Variants in SLC43A2 observed in about 807,000 individuals in gnomAD.
SLC43A2 encodes solute carrier family 43 member 2.
SLC43A2 carries 38 observed loss-of-function variants against 63.2 expected under a neutral mutation model. The ratio of observed to expected loss-of-function variants is 0.60; its 90% CI spans 0.46 to 0.79. The LOEUF is 0.79. SLC43A2 is among the 30% of genes least tolerant of loss of function. The pLI is 0.00. For synonymous variants in SLC43A2, 322 were observed against 331.0 expected (o/e 0.97, Z 0.30); for missense variants, 644 against 756.2 (o/e 0.85, Z 1.74).
At chr17:1,590,016 A>T (rs1904597767) in intron 9 of SLC43A2, among the ~76,000 whole-genome samples, 1 of 152,202 alleles carries the variant, frequency 6.6e-6, no homozygotes, top group African/African-American at 2.4e-5. Context: ...TAAAAACCTG[A>T]TAACTGATTC....
intron 10 of SLC43A2, among the ~76,000 whole-genome samples, chr17:1,584,233 C>T (rs1218416933): frequency 2.0e-5 from 3 of 152,184 alleles, no homozygotes; most frequent in South Asian, 2.1e-4. Flanking sequence ...GAACGATTAC[C>T]GATCCCAGTC....
In SLC43A2 at chr17:1,570,392, G is replaced by A. The variant is rs2075829350; in HGVS notation, c.*5212C>T. 6.6e-6 allele frequency: 1 copy of A among 152,206 alleles called. No individual in the cohort carries two copies. The highest frequency in any genetic ancestry group is 6.6e-5 in the Admixed American group (1 of 15,254). 9.4% of individuals were successfully genotyped at this position (152,206 alleles called of 1,614,324 possible). A position where few individuals can be genotyped will look rare whatever the true frequency, so the allele number is the denominator to read the frequency against. On this transcript the variant is annotated 3_prime_UTR_variant, in exon 14 of 14. Coordinates refer to ENST00000301335, the MANE Select transcript of SLC43A2 (RefSeq NM_152346.3). ...TCTGTCCTGCTCAGAGCTGCTGAAA[G>A]TGGCTCTCCTGTTGTATGGGCTTGG...
At chr17:1,576,869 T>TG in intron 12 of SLC43A2, 149 bp from the exon 13 acceptor site, 6 of 973,608 alleles carry the variant, frequency 6.2e-6, no homozygotes, top group South Asian at 1.9e-5. Flanking sequence ...TTCTGTTTTT[T>TG]TTTTTTTTTT....
intron 5 of SLC43A2, among the ~76,000 whole-genome samples, chr17:1,610,247 A>G (rs1333761970): frequency 2.7e-5 from 4 of 150,250 alleles, no homozygotes; most frequent in Admixed American, 6.7e-5. Context: ...TACAATTCAT[A>G]TTTCTGAAAT....
chr17:1,578,825 G>C lies in SLC43A2; in HGVS notation c.1351-502C>G, dbSNP rs2075971029. ...TTACAGGCATGAGCCACTGCGCCCAGCCTAACCGAGTCATTATTAAAAATT... is the reference window on the plus strand; with the variant it reads ...TTACAGGCATGAGCCACTGCGCCCACCCTAACCGAGTCATTATTAAAAATT... On this transcript the variant is annotated intron_variant, in intron 11 of 13. Transcript: ENST00000301335. This position sits in a 1 kb window ranked among gnomAD's most constrained non-coding sequence, Gnocchi z 6.5. 1 of 148,130 alleles carries C rather than the reference G, an allele frequency of 6.8e-6. No individual in the cohort carries two copies. The highest frequency in any genetic ancestry group is 2.5e-5 in the African/African-American group (1 of 40,584). 9.2% of individuals were successfully genotyped at this position (148,130 alleles called of 1,614,324 possible).
intron 2 of SLC43A2, among the ~76,000 whole-genome samples, chr17:1,625,878 C>T (rs1040436879): frequency 6.6e-6 from 1 of 152,016 alleles, no homozygotes; most frequent in African/African-American, 2.4e-5. Context: ...CTCAGCACTG[C>T]GCTGGCACAA....
At chr17:1,609,911 T>C (rs1372725665) in intron 5 of SLC43A2, among the ~76,000 whole-genome samples, 1 of 151,554 alleles carries the variant, frequency 6.6e-6, no homozygotes, top group South Asian at 2.1e-4. Flanking sequence ...GACAGGCTGA[T>C]AGAATTTTTT....
At chr17:1,616,980 G>A (rs139597129) in intron 2 of SLC43A2, among the ~76,000 whole-genome samples, 1 of 152,320 alleles carries the variant, frequency 6.6e-6, no homozygotes, top group East Asian at 1.9e-4. Flanking sequence ...TAACTTTTGT[G>A]GGGGCCATGG....
intron 6 of SLC43A2, 83 bp from the exon 7 acceptor site, chr17:1,591,782 G>T: frequency 1.9e-6 from 2 of 1,078,330 alleles, no homozygotes; most frequent in African/African-American, 1.6e-5. Flanking sequence ...AGGCAGGGGC[G>T]TCTGGCCACC....
rs2075937845 is a variant in SLC43A2, at chr17:1,576,691, G to A, written c.1454C>T (p.Thr485Met). ...CGCGCTGATCAGAGACTGCAGTCCCGTGAGGCTGCCGAACTGGGTGGAGGG... is the reference window on the plus strand; with the variant it reads ...CGCGCTGATCAGAGACTGCAGTCCCATGAGGCTGCCGAACTGGGTGGAGGG... ...VYPSTQFGSL[T>M]GLQSLISALF... Residue 485 changes from threonine (T) to methionine (M), a missense_variant, in exon 13 of 14, where the codon ACG becomes ATG. Coordinates refer to ENST00000301335, the MANE Select transcript of SLC43A2 (RefSeq NM_152346.3). 14 of 1,610,784 alleles carry A rather than the reference G, an allele frequency of 8.7e-6. No individual in the cohort carries two copies. Among genetic ancestry groups the A allele is most frequent in the Non-Finnish European group, 1.2e-5 (14 of 1,179,910 alleles).
intron 4 of SLC43A2, among the ~76,000 whole-genome samples, chr17:1,614,448 C>CA (rs1210248124): frequency 2.1e-5 from 2 of 95,082 alleles, no homozygotes; most frequent in African/African-American, 3.5e-5. Context: ...AACAAAAAAA[C>CA]AAACAGCAGC....
At chr17:1,590,772 A>C in intron 9 of SLC43A2, 30 bp downstream of exon 9, 1 of 1,549,632 alleles carries the variant, frequency 6.5e-7, no homozygotes, top group Non-Finnish European at 8.7e-7. Context: ...CCGGGGAGTG[A>C]CAGCGACCGA....
Position 1,606,276 on chromosome 17 carries a change from C to A in SLC43A2, c.501+6919G>T, listed in dbSNP as rs1906607018. On this transcript the variant is annotated intron_variant, in intron 5 of 13. Coordinates refer to ENST00000301335, the MANE Select transcript of SLC43A2 (RefSeq NM_152346.3). The surrounding 1 kb of genome is among the most constrained non-coding windows in gnomAD (Gnocchi z 4.7). The stretch of plus-strand genomic sequence containing the variant: ...TAAACTCCTGTCCCCTCTCTGGGGG[C>A]ATCTGCCATCCTGCCCTCCTCTCCA... 2.0e-5 allele frequency among the ~76,000 whole-genome samples: 3 copies of A among 152,172 alleles called. No homozygotes were observed. The highest frequency in any genetic ancestry group is 2.0e-4 in the Admixed American group (3 of 15,276).
chr17:1,601,441 G>A (rs961004096), intron 5 of SLC43A2, among the ~76,000 whole-genome samples: 2 of 152,068 alleles, frequency 1.3e-5, no homozygotes, highest in Non-Finnish European at 1.5e-5. Context: ...AGAGGCACAC[G>A]GCCTGCTTCA....
chr17:1,622,021 G>A (rs541952036), intron 2 of SLC43A2, among the ~76,000 whole-genome samples: 1 of 152,334 alleles, frequency 6.6e-6, no homozygotes, highest in East Asian at 1.9e-4. Context: ...GACCTTCATG[G>A]ACACCAGAAG....
intron 2 of SLC43A2, among the ~76,000 whole-genome samples, chr17:1,617,876 T>C (rs1465284488): frequency 6.6e-6 from 1 of 152,022 alleles, no homozygotes; most frequent in Non-Finnish European, 1.5e-5. Context: ...CAGCTGAAGA[T>C]GGGAGGGTGG....
intron 2 of SLC43A2, among the ~76,000 whole-genome samples, chr17:1,625,789 A>G (rs930479302): frequency 2.0e-5 from 3 of 152,176 alleles, no homozygotes; most frequent in African/African-American, 7.2e-5. Context: ...TTGATGTTCA[A>G]CCCACAATCC....
intron 2 of SLC43A2, among the ~76,000 whole-genome samples, chr17:1,621,076 A>G (rs2151080105): frequency 6.6e-6 from 1 of 152,294 alleles, no homozygotes; most frequent in South Asian, 2.1e-4. Flanking sequence ...GTGGCCAGTG[A>G]GTGCCAAGAA....
intron 5 of SLC43A2, among the ~76,000 whole-genome samples, chr17:1,600,000 C>T (rs1397919949): frequency 7.6e-5 from 10 of 131,100 alleles, no homozygotes; most frequent in Admixed American, 3.8e-4. Context: ...GCTGAGATTG[C>T]GCCACTGCAC....
Sources: allele counts gnomAD v4.1 joint callset (sites outside exome capture counted in the v4.1 genomes callset), GRCh38; gene constraint gnomAD v4.1.1; non-coding constraint Gnocchi (gnomAD v3.1); transcripts MANE v1.5; gene names NCBI Gene and HGNC (gene_info 2026-07-23, HGNC 2026-07-21).